ACYP2: variants seen among roughly 807,000 people sequenced by gnomAD.
The protein encoded by ACYP2 is acylphosphatase-2.
A neutral mutation model predicts 11.2 loss-of-function variants in ACYP2; 12 were observed. That is an observed-to-expected ratio of 1.08 (90% CI 0.69 to 1.74). The LOEUF (loss-of-function observed/expected upper bound fraction) is 1.74. Ranked by LOEUF, ACYP2 falls within the 40% of genes most tolerant of loss-of-function variation. The probability of loss-of-function intolerance (pLI) is 0.00; values close to 1 mark genes in which losing one functional copy is unlikely to be tolerated. For missense variants in ACYP2, 134 were observed against 101.9 expected (o/e 1.31, Z -1.35); for synonymous variants, 43 against 32.2 (o/e 1.33, Z -1.13).
At chr2:54,192,436 A>G (rs1269045629) in intron 6 of ACYP2, among the ~76,000 whole-genome samples, 1 of 152,170 alleles carries the variant, frequency 6.6e-6, no homozygotes, top group African/African-American at 2.4e-5. Context: ...GGTGCTTTTC[A>G]AAATTAAAAA....
At chr2:54,007,223 G>T (rs574984839) in intron 2 of ACYP2, among the ~76,000 whole-genome samples, 26 of 145,230 alleles carry the variant, frequency 1.8e-4, no homozygotes, top group Middle Eastern at 7.1e-3. Context: ...CGGAGTTCAG[G>T]CCCCTCCCAT....
At chr2:54,012,463 C>T (rs1379573355) in intron 2 of ACYP2, among the ~76,000 whole-genome samples, 2 of 152,202 alleles carry the variant, frequency 1.3e-5, no homozygotes, top group Non-Finnish European at 2.9e-5. Context: ...CTGCAGTGAG[C>T]CATGACTGTG....
chr2:53,988,114 CA>C (rs1672117927), intron 2 of ACYP2, among the ~76,000 whole-genome samples: 1 of 152,092 alleles, frequency 6.6e-6, no homozygotes. Flanking sequence ...CCTGTAATCC[CA>C]GTGACTCGAG....
At chr2:54,117,884 C>T (rs1679904939) in intron 4 of ACYP2, among the ~76,000 whole-genome samples, 1 of 152,194 alleles carries the variant, frequency 6.6e-6, no homozygotes, top group Non-Finnish European at 1.5e-5. Flanking sequence ...GCAGTTTACA[C>T]TGTACCCAAT....
chr2:54,186,494 T>C (rs1684002732), intron 6 of ACYP2, among the ~76,000 whole-genome samples: 1 of 152,162 alleles, frequency 6.6e-6, no homozygotes, highest in Non-Finnish European at 1.5e-5. Context: ...TATATATAAA[T>C]AGCATTTTGT....
At chr2:54,253,292 C>T (rs1336172823) in intron 6 of ACYP2, 2 of 152,102 alleles carry the variant, frequency 1.3e-5, no homozygotes, top group Non-Finnish European at 2.9e-5. Flanking sequence ...TTAACAGAAA[C>T]AAGAACAGGC....
chr2:53,982,945 A>G (rs1253743016), intron 2 of ACYP2, among the ~76,000 whole-genome samples: 1 of 151,648 alleles, frequency 6.6e-6, no homozygotes, highest in Non-Finnish European at 1.5e-5. Context: ...GTTAGCATGA[A>G]ATATTCCTTT....
intron 4 of ACYP2, among the ~76,000 whole-genome samples, chr2:54,095,687 G>A (rs1313379390): frequency 7.7e-5 from 10 of 130,532 alleles, no homozygotes; most frequent in Non-Finnish European, 1.3e-4. Context: ...CCTCCTGGAC[G>A]GGGCGGCTGG....
rs574908917 is a variant in ACYP2, at chr2:54,022,313, T to C, written c.63-28645T>C. 9.9e-5 allele frequency among the ~76,000 whole-genome samples: 15 copies of C among 152,240 alleles called. No individual in the cohort carries two copies. The East Asian group carries it at 1.5e-3, about 16-fold the overall frequency. On this transcript the variant is annotated intron_variant, in intron 2 of 6. Coordinates refer to ENST00000607452, the MANE Select transcript of ACYP2 (RefSeq NM_001320586.2). ...AAATATGGTGACCTGTTGTATTTAA[T>C]ATTTTGGGCTTTTATTTTGTTTTGT...
chr2:54,054,613 G>A (rs1474626356), intron 3 of ACYP2, among the ~76,000 whole-genome samples: 2 of 152,168 alleles, frequency 1.3e-5, no homozygotes, highest in Admixed American at 1.3e-4. Flanking sequence ...GTGAAGCTGA[G>A]GTTCTCCAGT....
chr2:54,101,494 C>G (rs925364394), intron 4 of ACYP2, among the ~76,000 whole-genome samples: 1 of 151,990 alleles, frequency 6.6e-6, no homozygotes, highest in African/African-American at 2.4e-5. Flanking sequence ...CATGGTGAAA[C>G]CCCGTCTCTA....
intron 6 of ACYP2, among the ~76,000 whole-genome samples, chr2:54,154,723 C>A (rs990640851): frequency 6.6e-6 from 1 of 152,076 alleles, no homozygotes; most frequent in East Asian, 1.9e-4. Context: ...GGGATATTGG[C>A]CTGTAATTTT....
chr2:54,242,903 G>T (rs534932323), intron 6 of ACYP2, among the ~76,000 whole-genome samples: 6 of 152,310 alleles, frequency 3.9e-5, no homozygotes, highest in African/African-American at 1.4e-4. Context: ...GTCATTAAAT[G>T]ATGCATGACC....
chr2:54,010,110 G>A (rs1673278678), intron 2 of ACYP2, among the ~76,000 whole-genome samples: 1 of 152,156 alleles, frequency 6.6e-6, no homozygotes, highest in Non-Finnish European at 1.5e-5. Flanking sequence ...AATCTTGGAG[G>A]TTGAGCAGAT....
At chr2:54,097,858 CTT>C (rs1558526905) in intron 4 of ACYP2, among the ~76,000 whole-genome samples, 1 of 126,344 alleles carries the variant, frequency 7.9e-6, no homozygotes, top group Non-Finnish European at 1.7e-5. Context: ...TTTCTTCTTT[CTT>C]TCTTTCTCTT....
intron 2 of ACYP2, among the ~76,000 whole-genome samples, chr2:54,038,683 A>T (rs900778648): frequency 7.5e-5 from 3 of 39,744 alleles, no homozygotes; most frequent in Non-Finnish European, 1.7e-4. Context: ...CTATATATAT[A>T]TATATATATA....
At chr2:54,284,097 CTCTT>C (rs1462821932) in intron 6 of ACYP2, among the ~76,000 whole-genome samples, 5 of 152,202 alleles carry the variant, frequency 3.3e-5, no homozygotes, top group Admixed American at 2.0e-4. Context: ...AGTGACAACT[CTCTT>C]TATATTAAGT....
intron 6 of ACYP2, among the ~76,000 whole-genome samples, chr2:54,150,416 T>TTTTGTTTG (rs914288713): frequency 2.6e-5 from 4 of 152,188 alleles, no homozygotes; most frequent in East Asian, 3.8e-4. Context: ...TGTGTTTCTT[T>TTTTGTTTG]TTTGTTTGTT....
intron 2 of ACYP2, among the ~76,000 whole-genome samples, chr2:54,004,109 G>A (rs1054235808): frequency 7.2e-5 from 11 of 151,782 alleles, no homozygotes; most frequent in Admixed American, 6.6e-4. Flanking sequence ...TCAGCCTCCC[G>A]AGCAGCTGGG....
Sources: allele counts gnomAD v4.1 joint callset (sites outside exome capture counted in the v4.1 genomes callset), GRCh38; gene constraint gnomAD v4.1.1; transcripts MANE v1.5; gene names NCBI Gene and HGNC (gene_info 2026-07-23, HGNC 2026-07-21).